Variants in CNIH3 observed in about 807,000 individuals in gnomAD.
The protein encoded by CNIH3 is protein cornichon homolog 3.
Under a neutral mutation model 24.1 loss-of-function variants are expected in CNIH3, and 14 were observed. That is an observed-to-expected ratio of 0.58 (90% CI 0.38 to 0.91). The LOEUF (loss-of-function observed/expected upper bound fraction) is 0.91. CNIH3 is among the 40% of genes least tolerant of loss of function. The pLI, the probability that CNIH3 is intolerant of heterozygous loss-of-function variation, is 0.00. For synonymous variants in CNIH3, 68 were observed against 73.8 expected, an observed-to-expected ratio of 0.92 and a Z score of 0.40; for missense variants, 178 against 196.8, an observed-to-expected ratio of 0.90 and a Z score of 0.57.
chr1:224,498,226 T>C (rs1677512308), intron 1 of CNIH3, among the ~76,000 whole-genome samples: 1 of 152,156 alleles, frequency 6.6e-6, no homozygotes, highest in South Asian at 2.1e-4. Context: ...GGACAATGGC[T>C]TCAGTTTCTT....
intron 2 of CNIH3, among the ~76,000 whole-genome samples, chr1:224,533,981 A>G (rs528762344): frequency 6.6e-6 from 1 of 152,176 alleles, no homozygotes; most frequent in Non-Finnish European, 1.5e-5. Context: ...CCTGGGCAAC[A>G]TGGTGAAACC....
At chr1:224,648,499 T>C (rs1301779943) in intron 1 of CNIH3, among the ~76,000 whole-genome samples, 1 of 151,386 alleles carries the variant, frequency 6.6e-6, no homozygotes, top group South Asian at 2.1e-4. Context: ...AAAGGGAGAA[T>C]ATTTTCTGCT....
chr1:224,549,917 G>A (rs1372942021), intron 3 of CNIH3, among the ~76,000 whole-genome samples: 2 of 152,012 alleles, frequency 1.3e-5, no homozygotes, highest in African/African-American at 2.4e-5. Context: ...GAGTGATAAT[G>A]TTTCATTAAT....
intron 4 of CNIH3, among the ~76,000 whole-genome samples, chr1:224,580,378 G>A (rs1314572973): frequency 6.6e-6 from 1 of 152,178 alleles, no homozygotes; most frequent in African/African-American, 2.4e-5. Context: ...TTTTGCCAAG[G>A]TTGAAGACAT....
intron 1 of CNIH3, among the ~76,000 whole-genome samples, chr1:224,483,733 A>G (rs7536574): frequency 0.83 from 126,633 of 152,082 alleles, 53,163 homozygotes; most frequent in East Asian, 0.97. Flanking sequence ...TTTTTGTGTA[A>G]ATAGTTGTTA....
intron 4 of CNIH3, among the ~76,000 whole-genome samples, chr1:224,578,997 G>T (rs960915299): frequency 6.6e-5 from 10 of 151,086 alleles, no homozygotes; most frequent in Non-Finnish European, 1.5e-4. Context: ...CATGTAGAGA[G>T]TAGAGAACAA....
At chr1:224,697,312 C>A (rs1219546946) in intron 3 of CNIH3, among the ~76,000 whole-genome samples, 1 of 152,162 alleles carries the variant, frequency 6.6e-6, no homozygotes, top group African/African-American at 2.4e-5. Context: ...TCCCGCCCCC[C>A]GGAATTTCTG....
intron 1 of CNIH3, among the ~76,000 whole-genome samples, chr1:224,442,141 C>T (rs1324199535): frequency 6.6e-6 from 1 of 151,686 alleles, no homozygotes; most frequent in Admixed American, 6.6e-5. Context: ...ACCTCAGCCT[C>T]CCGAGTAGCT....
intron 3 of CNIH3, among the ~76,000 whole-genome samples, chr1:224,561,806 T>C (rs929826258): frequency 2.3e-4 from 35 of 152,308 alleles, no homozygotes; most frequent in African/African-American, 6.7e-4. Context: ...AACATCAGCT[T>C]ATTGGAGGAC....
chr1:224,672,821 A>G (rs898139793), intron 1 of CNIH3, among the ~76,000 whole-genome samples: 2 of 152,174 alleles, frequency 1.3e-5, no homozygotes, highest in African/African-American at 4.8e-5. Flanking sequence ...CCCTAATACA[A>G]ATAGGAGTAT....
chr1:224,571,448 G>T (rs1680811522), intron 4 of CNIH3, among the ~76,000 whole-genome samples: 1 of 152,222 alleles, frequency 6.6e-6, no homozygotes, highest in African/African-American at 2.4e-5. Context: ...GCAGGGGCCA[G>T]GCGCGGTGGC....
rs574040687 is a variant in CNIH3, at chr1:224,686,384, AT to A, written c.198+1545del. On this transcript the variant is annotated intron_variant, in intron 3 of 5. Transcript: ENST00000272133. Reference sequence around the variant, plus strand: ...GTATTCCATGGTGTATATGTGCCACATTTTCTTAATCCAGTCTATCATTTAT... The same window carrying A: ...GTATTCCATGGTGTATATGTGCCACATTTCTTAATCCAGTCTATCATTTAT... Among the ~76,000 whole-genome samples, 9 of 151,984 alleles carry A rather than the reference AT, an allele frequency of 5.9e-5. No individual in the cohort carries two copies. In the South Asian group the frequency reaches 1.7e-3, roughly 28 times the overall value.
chr1:224,733,289 G>C (rs1162132995), intron 4 of CNIH3, among the ~76,000 whole-genome samples: 1 of 152,202 alleles, frequency 6.6e-6, no homozygotes, highest in African/African-American at 2.4e-5. Context: ...TGTGGTGACT[G>C]GTGACTGGCA....
Position 224,704,766 on chromosome 1 carries a change from T to C in CNIH3, c.198+19923T>C, listed in dbSNP as rs1572762059. On this transcript the variant is annotated intron_variant, in intron 3 of 5. Transcript: ENST00000272133. The surrounding 1 kb of genome is among the most constrained non-coding windows in gnomAD (Gnocchi z 4.2). ...CACATTTCCCCTAGTTTCCCTATAG[T>C]ATTCTTTATAGTTGTTGTTGTTGCT... Among the ~76,000 whole-genome samples, 3 of 152,184 alleles carry C rather than the reference T, an allele frequency of 2.0e-5. No homozygotes were observed. The highest frequency in any genetic ancestry group is 7.2e-5 in the African/African-American group (3 of 41,440).
chr1:224,517,176 G>A (rs1035694988), intron 1 of CNIH3, among the ~76,000 whole-genome samples: 1 of 152,126 alleles, frequency 6.6e-6, no homozygotes, highest in African/African-American at 2.4e-5. Context: ...CCTGATGGAG[G>A]TTGGCGGCGG....
intron 1 of CNIH3, among the ~76,000 whole-genome samples, chr1:224,502,620 G>C (rs1411734116): frequency 6.6e-6 from 1 of 152,128 alleles, no homozygotes; most frequent in Admixed American, 6.5e-5. Context: ...GGGAGGGCGG[G>C]GCCCGTGCCA....
At chr1:224,606,352 G>GT (rs1682420878) in intron 3 of CNIH3, among the ~76,000 whole-genome samples, 1 of 152,178 alleles carries the variant, frequency 6.6e-6, no homozygotes, top group Non-Finnish European at 1.5e-5. Flanking sequence ...ATTTTACTGA[G>GT]TGGTGGAAGT....
intron 1 of CNIH3, among the ~76,000 whole-genome samples, chr1:224,677,072 G>A (rs1372427185): frequency 1.3e-5 from 2 of 152,204 alleles, no homozygotes; most frequent in East Asian, 3.8e-4. Flanking sequence ...AAGAGTAATC[G>A]TGGGCAAGTA....
chr1:224,683,704 C>G (rs1440337454), intron 2 of CNIH3, among the ~76,000 whole-genome samples: 1 of 152,222 alleles, frequency 6.6e-6, no homozygotes, highest in African/African-American at 2.4e-5. Context: ...TTTTCCCTTC[C>G]TTTTACCAGC....
Sources: allele counts gnomAD v4.1 joint callset (sites outside exome capture counted in the v4.1 genomes callset), GRCh38; gene constraint gnomAD v4.1.1; non-coding constraint Gnocchi (gnomAD v3.1); transcripts MANE v1.5; gene names NCBI Gene and HGNC (gene_info 2026-07-23, HGNC 2026-07-21).